BRWD1: variants seen among roughly 807,000 people sequenced by gnomAD.
BRWD1 encodes bromodomain and WD repeat domain containing 1.
Under a neutral mutation model 251.2 loss-of-function variants are expected in BRWD1, and 82 were observed. The ratio of observed to expected loss-of-function variants is 0.33; its 90% confidence interval spans 0.27 to 0.39. The LOEUF (loss-of-function observed/expected upper bound fraction) is 0.39, where lower values mean the gene tolerates loss of function less well. BRWD1 is among the 10% of genes least tolerant of loss of function. The probability of loss-of-function intolerance (pLI) is 1.00; values close to 1 mark genes in which losing one functional copy is unlikely to be tolerated. For missense variants in BRWD1, 2,233 were observed against 2,711.6 expected (o/e 0.82, Z 3.92); for synonymous variants, 918 against 902.8 (o/e 1.02, Z -0.30).
intron 4 of BRWD1, among the ~76,000 whole-genome samples, chr21:39,308,139 C>A (rs2036348622): frequency 6.6e-6 from 1 of 152,118 alleles, no homozygotes; most frequent in East Asian, 1.9e-4. Flanking sequence ...CTCAGACTCT[C>A]AAGTCTCTGT....
chr21:39,199,325 A>T lies in BRWD1; in HGVS notation c.5091T>A (p.Asn1697Lys). The T allele has an allele frequency of 6.2e-7, 1 of 1,614,104 alleles. No homozygotes were observed. Among genetic ancestry groups the T allele is most frequent in the Non-Finnish European group, 8.5e-7 (1 of 1,180,010 alleles). ...EIEEEELKDENQLLPVSSSHT... is the reference protein window; with the variant it reads ...EIEEEELKDEKQLLPVSSSHT... ...GAGAACTGGACACTGGTAATAGTTG[A>T]TTTTCATCTTTTAGCTCCTCTTCTT... The change falls in exon 40 of 41, where the codon AAT becomes AAA. Residue 1697 changes from asparagine to lysine, a missense_variant. Physicochemically the swap from Asn to Lys is moderately conservative, Grantham distance 94. Coordinates refer to ENST00000342449, the MANE Select transcript of BRWD1 (RefSeq NM_033656.4).
At chr21:39,200,043 G>A (rs530749261) in intron 39 of BRWD1, among the ~76,000 whole-genome samples, 176 bp downstream of exon 39, 4 of 152,294 alleles carry the variant, frequency 2.6e-5, no homozygotes, top group East Asian at 3.9e-4. Flanking sequence ...GTGAGCCACC[G>A]CACCCAGCCT....
intron 31 of BRWD1, 76 bp from the exon 32 acceptor site, chr21:39,215,438 A>T: frequency 8.0e-7 from 1 of 1,243,622 alleles, no homozygotes; most frequent in Non-Finnish European, 1.1e-6. Context: ...CAGCATGTGA[A>T]TTAAACAACT....
rs1225682378 is a variant in BRWD1 at position 39,312,891 on chromosome 21, T to G, written c.148A>C (p.Lys50Gln). Residue 50 changes from lysine to glutamine, a missense_variant, in exon 4 of 41, where the codon AAG (lysine) becomes CAG (glutamine). By Grantham distance (53) the Lys-to-Gln change is moderately conservative (BLOSUM62 1). Transcript: ENST00000342449. ...TCGTTGCCCTCCCAGTCCAATCTCT[T>G]CGGCAACAACTGGAAAGACACGAAA... ...QELEQYQLLP[K>Q]RLDWEGNEHN... 7 of 1,466,316 alleles carry G rather than the reference T, an allele frequency of 4.8e-6. 1 individual carries two copies. Among genetic ancestry groups the G allele is most frequent in the Non-Finnish European group, 6.3e-6 (7 of 1,102,940 alleles). The allele number at this position is 1,466,316 out of a possible 1,614,324, so 90.8% of individuals were successfully genotyped here. A position where few individuals can be genotyped will look rare whatever the true frequency, so the allele number is the denominator to read the frequency against.
intron 13 of BRWD1, among the ~76,000 whole-genome samples, chr21:39,273,678 G>A (rs994092193): frequency 4.3e-4 from 66 of 152,076 alleles, no homozygotes; most frequent in African/African-American, 1.4e-3. Flanking sequence ...GCCTGAGGCC[G>A]GAATGTCAAG....
intron 36 of BRWD1, among the ~76,000 whole-genome samples, chr21:39,207,405 G>T (rs1179515120): frequency 1.4e-5 from 2 of 147,702 alleles, no homozygotes; most frequent in East Asian, 3.9e-4. Context: ...CTCCAGCCTG[G>T]GCAACAGAGT....
chr21:39,292,855 A>C lies in BRWD1; in HGVS notation c.831+956T>G, dbSNP rs564321185. 3.9e-4 allele frequency among the ~76,000 whole-genome samples: 60 copies of C among 152,346 alleles called. No individual in the cohort carries two copies. The East Asian group carries it at 0.01, about 26-fold the overall frequency. On this transcript the variant is annotated intron_variant, in intron 8 of 40. Transcript: ENST00000342449. The stretch of plus-strand genomic sequence containing the variant: ...GCTTCGTTTTGCTCCTGATTCAAAC[A>C]ACCTAAATAAAATACCATTATGAGA...
In BRWD1 at chr21:39,194,587, T is replaced by A. The variant is rs1344854052; in HGVS notation, c.*1672A>T. 8 of 1,478,686 alleles carry A rather than the reference T, an allele frequency of 5.4e-6. No individual in the cohort carries two copies. Among genetic ancestry groups the A allele is most frequent in the Non-Finnish European group, 7.1e-6 (8 of 1,119,352 alleles). 91.6% of individuals were successfully genotyped at this position (1,478,686 alleles called of 1,614,324 possible). On this transcript the variant is annotated 3_prime_UTR_variant, in exon 41 of 41. Transcript: ENST00000342449. ...TCTCAGTTGATAATGTCCAAAAACA[T>A]CCTTCCCCATGCATCAGAGTAGAAA...
chr21:39,295,322 G>A (rs2035932388), intron 7 of BRWD1, among the ~76,000 whole-genome samples: 2 of 151,216 alleles, frequency 1.3e-5, no homozygotes, highest in Admixed American at 1.3e-4. Flanking sequence ...GAGTAGCTGG[G>A]ACTACAGGCG....
rs1431639821 is a variant in BRWD1 at position 39,188,360 on chromosome 21, T to C, written c.*7899A>G. ...ATTTAGCATTCAAAAGGTAAGGCTG[T>C]AGATCACTGAAATAACCAGTTGATA... On this transcript the variant is annotated 3_prime_UTR_variant, in exon 41 of 41. Coordinates refer to ENST00000342449, the MANE Select transcript of BRWD1 (RefSeq NM_033656.4). 2.0e-6 allele frequency: 2 copies of C among 985,270 alleles called. No homozygotes were observed. Among genetic ancestry groups the C allele is most frequent in the South Asian group, 4.7e-5 (1 of 21,296 alleles). The allele number at this position is 985,270 out of a possible 1,614,324, so 61.0% of individuals were successfully genotyped here. A position where few individuals can be genotyped will look rare whatever the true frequency, so the allele number is the denominator to read the frequency against.
intron 28 of BRWD1, 82 bp from the exon 29 acceptor site, chr21:39,224,551 A>C: frequency 1.1e-6 from 1 of 922,144 alleles, no homozygotes; most frequent in Non-Finnish European, 1.7e-6. Flanking sequence ...AAAATACAAA[A>C]TGTGAAAATT....
chr21:39,207,997 G>T (rs1159763990), intron 36 of BRWD1, among the ~76,000 whole-genome samples: 1 of 152,300 alleles, frequency 6.6e-6, no homozygotes, highest in East Asian at 1.9e-4. Context: ...AGGACTGGGG[G>T]TGAGGGGAAA....
At chr21:39,263,027 G>C (rs2034805561) in intron 17 of BRWD1, among the ~76,000 whole-genome samples, 1 of 151,892 alleles carries the variant, frequency 6.6e-6, no homozygotes, top group African/African-American at 2.4e-5. Flanking sequence ...GAGGTAGGAG[G>C]ATCACTTGAC....
intron 36 of BRWD1, among the ~76,000 whole-genome samples, chr21:39,208,048 A>G (rs1254396282): frequency 1.3e-5 from 2 of 152,196 alleles, no homozygotes; most frequent in African/African-American, 4.8e-5. Flanking sequence ...TGGAATGATG[A>G]AAAGGTTTTA....
intron 4 of BRWD1, among the ~76,000 whole-genome samples, chr21:39,307,613 T>G (rs944366033): frequency 1.3e-5 from 2 of 152,204 alleles, no homozygotes; most frequent in Admixed American, 1.3e-4. Context: ...TTTTAAGTAC[T>G]CTACAGGATT....
rs137954568 is a variant in BRWD1 at position 39,224,265 on chromosome 21, G to C, written c.3382+143C>G. ...TAACAAAACAGATAAACACGATGCT[G>C]TTGTCTTCTTTCAGTAAAGTTCAGT... On this transcript the variant is annotated intron_variant, in intron 29 of 40. Coordinates refer to ENST00000342449, the MANE Select transcript of BRWD1 (RefSeq NM_033656.4). 6 of 496,864 alleles carry C rather than the reference G, an allele frequency of 1.2e-5. No homozygotes were observed. In the East Asian group the frequency reaches 2.0e-4, roughly 17 times the overall value. 30.8% of individuals were successfully genotyped at this position (496,864 alleles called of 1,614,324 possible). A position where few individuals can be genotyped will look rare whatever the true frequency, so the allele number is the denominator to read the frequency against.
intron 17 of BRWD1, among the ~76,000 whole-genome samples, chr21:39,260,731 T>C (rs1385044573): frequency 6.6e-6 from 1 of 152,210 alleles, no homozygotes; most frequent in Non-Finnish European, 1.5e-5. Context: ...GATTACTGTC[T>C]GGAGGTAGTC....
In BRWD1 at chr21:39,186,776, T is replaced by C. The variant is rs576600933; in HGVS notation, c.*9483A>G. On this transcript the variant is annotated 3_prime_UTR_variant, in exon 41 of 41. Coordinates refer to ENST00000342449, the MANE Select transcript of BRWD1 (RefSeq NM_033656.4). ...ATTCTGGAAAGGAATAGTAGTCTTA[T>C]AGCAGGCCATTTGTCTTTTCTTTCC... The C allele has an allele frequency of 1.6e-4, 64 of 389,596 alleles. No homozygotes were observed. Among genetic ancestry groups the C allele is most frequent in the African/African-American group, 1.2e-3 (58 of 47,844 alleles). The allele number at this position is 389,596 out of a possible 1,614,324, so 24.1% of individuals were successfully genotyped here.
At chr21:39,296,668 T>C in intron 5 of BRWD1, 1 of 891,610 alleles carries the variant, frequency 1.1e-6, no homozygotes, top group Non-Finnish European at 1.4e-6. Flanking sequence ...TTTTTGCCAA[T>C]TTACAAGTGA....
Sources: allele counts gnomAD v4.1 joint callset (sites outside exome capture counted in the v4.1 genomes callset), GRCh38; gene constraint gnomAD v4.1.1; transcripts MANE v1.5; gene names NCBI Gene and HGNC (gene_info 2026-07-23, HGNC 2026-07-21).